The following GPC5 variants were observed in gnomAD, a reference collection of about 807,000 sequenced individuals.
GPC5 encodes glypican 5.
Under a neutral mutation model 53.9 loss-of-function variants are expected in GPC5, and 47 were observed. The observed-to-expected ratio is 0.87, with a 90% confidence interval of 0.69 to 1.11. The LOEUF is 1.11. Ranked by LOEUF, GPC5 falls within the 50% of genes most tolerant of loss-of-function variation. GPC5 has a pLI of 0.00. For missense variants in GPC5, 748 were observed against 713.1 expected, an observed-to-expected ratio of 1.05 and a Z score of -0.56; for synonymous variants, 286 against 263.3, an observed-to-expected ratio of 1.09 and a Z score of -0.84.
chr13:92,848,341 C>T (rs974745223), intron 7 of GPC5, among the ~76,000 whole-genome samples: 1 of 152,126 alleles, frequency 6.6e-6, no homozygotes, highest in Non-Finnish European at 1.5e-5. Context: ...TTCTACTACA[C>T]TTCATTGTCT....
chr13:91,762,309 A>ATT lies in GPC5; in HGVS notation c.1280+5900_1280+5901dup, dbSNP rs34722954. On this transcript the variant is annotated intron_variant, in intron 5 of 7. Coordinates refer to ENST00000377067, the MANE Select transcript of GPC5 (RefSeq NM_004466.6). ...TCCTGACCATAATTTTGTTAACCTC[A>ATT]TTTTTTTTTTTTCTTTTACCCATTA... Among the ~76,000 whole-genome samples the ATT allele has an allele frequency of 3.2e-4, 47 of 146,184 alleles. 1 individual carries two copies. Among genetic ancestry groups the ATT allele is most frequent in the South Asian group, 8.7e-4 (4 of 4,594 alleles).
intron 5 of GPC5, among the ~76,000 whole-genome samples, chr13:91,878,552 C>T (rs1446199286): frequency 3.9e-5 from 6 of 152,008 alleles, no homozygotes; most frequent in Non-Finnish European, 8.8e-5. Flanking sequence ...TTGTAGTTCC[C>T]ATAATCTATG....
chr13:91,714,036 A>C (rs2036283207), intron 3 of GPC5, among the ~76,000 whole-genome samples: 1 of 152,166 alleles, frequency 6.6e-6, no homozygotes, highest in African/African-American at 2.4e-5. Flanking sequence ...TCAAAAACTC[A>C]GTGGTAACCT....
intron 7 of GPC5, among the ~76,000 whole-genome samples, chr13:92,527,296 A>C (rs1003975194): frequency 6.6e-6 from 1 of 151,890 alleles, no homozygotes; most frequent in African/African-American, 2.4e-5. Flanking sequence ...ATCAACAGGC[A>C]AAGAGAGCCC....
At chr13:92,170,269 C>T (rs1029657911) in intron 7 of GPC5, among the ~76,000 whole-genome samples, 2 of 151,778 alleles carry the variant, frequency 1.3e-5, no homozygotes, top group African/African-American at 4.8e-5. Flanking sequence ...ATGTCCTACA[C>T]AATCCATGCA....
At chr13:92,088,852 C>T (rs1429438163) in intron 6 of GPC5, among the ~76,000 whole-genome samples, 1 of 152,166 alleles carries the variant, frequency 6.6e-6, no homozygotes, top group Non-Finnish European at 1.5e-5. Flanking sequence ...AAAGAATATA[C>T]AGCTTTTTAA....
chr13:92,292,166 C>T (rs1245811221), intron 7 of GPC5, among the ~76,000 whole-genome samples: 1 of 152,188 alleles, frequency 6.6e-6, no homozygotes, highest in Non-Finnish European at 1.5e-5. Context: ...GTATCTTTTT[C>T]ATATAATGAC....
At chr13:91,750,429 A>G (rs546334876) in intron 4 of GPC5, among the ~76,000 whole-genome samples, 2 of 152,320 alleles carry the variant, frequency 1.3e-5, no homozygotes, top group East Asian at 3.9e-4. Context: ...CCCTGCATTT[A>G]TTATGATCCT....
intron 2 of GPC5, among the ~76,000 whole-genome samples, chr13:91,490,685 G>T (rs942485888): frequency 1.3e-5 from 2 of 152,144 alleles, no homozygotes; most frequent in African/African-American, 4.8e-5. Context: ...AGAAAAGATG[G>T]ATACACGTTT....
chr13:92,297,060 G>A (rs563459766), intron 7 of GPC5, among the ~76,000 whole-genome samples: 1,559 of 152,342 alleles, frequency 0.01, 27 homozygotes, highest in Middle Eastern at 0.044. Context: ...AGCGCATGGC[G>A]CAGGACTGGC....
chr13:91,679,380 C>A (rs533290878), intron 2 of GPC5, among the ~76,000 whole-genome samples: 5 of 152,064 alleles, frequency 3.3e-5, no homozygotes, highest in African/African-American at 1.2e-4. Flanking sequence ...GATGCTGAAA[C>A]AATAGAGGGA....
chr13:92,075,514 G>T (rs1423072412), intron 6 of GPC5, among the ~76,000 whole-genome samples: 1 of 151,792 alleles, frequency 6.6e-6, no homozygotes, highest in Non-Finnish European at 1.5e-5. Flanking sequence ...TTACCTATAA[G>T]GTACGTTAAT....
chr13:92,718,410 G>A (rs963182304), intron 7 of GPC5, among the ~76,000 whole-genome samples: 1 of 152,076 alleles, frequency 6.6e-6, no homozygotes, highest in African/African-American at 2.4e-5. Context: ...ATTATGGATG[G>A]AACTGGAGGA....
At chr13:92,360,423 A>G (rs938687527) in intron 7 of GPC5, among the ~76,000 whole-genome samples, 1 of 151,758 alleles carries the variant, frequency 6.6e-6, no homozygotes, top group Non-Finnish European at 1.5e-5. Flanking sequence ...GATAGAATTC[A>G]ACATCATTTC....
At chr13:91,669,899 T>C (rs2035204373) in intron 2 of GPC5, among the ~76,000 whole-genome samples, 1 of 152,206 alleles carries the variant, frequency 6.6e-6, no homozygotes, top group African/African-American at 2.4e-5. Context: ...TTGCTATTAA[T>C]ACATTGCTTG....
At chr13:91,452,252 G>A (rs1345510712) in intron 2 of GPC5, among the ~76,000 whole-genome samples, 2 of 152,068 alleles carry the variant, frequency 1.3e-5, no homozygotes, top group Non-Finnish European at 2.9e-5. Context: ...CCGAAGTGCT[G>A]GGATTATAGG....
chr13:91,487,447 G>A (rs1391722966), intron 2 of GPC5, among the ~76,000 whole-genome samples: 1 of 152,150 alleles, frequency 6.6e-6, no homozygotes, highest in Non-Finnish European at 1.5e-5. Flanking sequence ...TATTTTCTGT[G>A]ATAGATAATG....
At chr13:92,855,169 A>T (rs1363551374) in intron 7 of GPC5, among the ~76,000 whole-genome samples, 2 of 152,058 alleles carry the variant, frequency 1.3e-5, no homozygotes, top group Non-Finnish European at 2.9e-5. Flanking sequence ...AGATATGATC[A>T]CTACAGTTAA....
At chr13:91,775,426 A>G (rs1466667296) in intron 5 of GPC5, among the ~76,000 whole-genome samples, 1 of 152,110 alleles carries the variant, frequency 6.6e-6, no homozygotes, top group East Asian at 1.9e-4. Context: ...CTCCCTTGCA[A>G]ACTAATTCCC....
Sources: allele counts gnomAD v4.1 joint callset (sites outside exome capture counted in the v4.1 genomes callset), GRCh38; gene constraint gnomAD v4.1.1; transcripts MANE v1.5; gene names NCBI Gene and HGNC (gene_info 2026-07-23, HGNC 2026-07-21).